Variants in PRKCH observed in about 807,000 individuals in gnomAD.
The protein encoded by PRKCH is protein kinase C eta, also known as protein kinase C eta type.
PRKCH carries 28 observed loss-of-function variants against 82.5 expected under a neutral mutation model. The observed-to-expected ratio is 0.34, with a 90% CI of 0.25 to 0.47. The LOEUF (loss-of-function observed/expected upper bound fraction) is 0.47, where lower values mean the gene tolerates loss of function less well. Ranked by LOEUF, PRKCH falls within the 20% of genes least tolerant of loss-of-function variation. The pLI, the probability that PRKCH is intolerant of heterozygous loss-of-function variation, is 1.00. For synonymous variants in PRKCH, 322 were observed against 327.4 expected, an observed-to-expected ratio of 0.98 and a Z score of 0.18; for missense variants, 705 against 881.8, an observed-to-expected ratio of 0.80 and a Z score of 2.54.
chr14:61,222,827 C>A (rs1339447241), intron 1 of PRKCH, among the ~76,000 whole-genome samples: 4 of 152,208 alleles, frequency 2.6e-5, no homozygotes, highest in Non-Finnish European at 4.4e-5. Context: ...AAAGAGCTCT[C>A]ATGAACTCAT....
At position 61,280,407 on chromosome 14, in the gene PRKCH, A is replaced by C. The variant is rs1252979282; in HGVS notation, c.-19+92739A>C. On this transcript the variant is annotated intron_variant, in intron 1 of 3. Transcript: ENST00000555185. The surrounding 1 kb of genome is among the most constrained non-coding windows in gnomAD (Gnocchi z 5.0). ...TGCGCATCCACACCACGAAGTCCTGATTGATGAAGCCGGTGTTGTTGGGGT... is the reference window on the plus strand; with the variant it reads ...TGCGCATCCACACCACGAAGTCCTGCTTGATGAAGCCGGTGTTGTTGGGGT... The C allele has an allele frequency of 1.9e-6, 3 of 1,613,980 alleles. No individual in the cohort carries two copies. In the South Asian group the frequency reaches 3.3e-5, roughly 18 times the overall value.
chr14:61,389,349 TAAAAAA>T (rs111701252), intron 1 of PRKCH, among the ~76,000 whole-genome samples: 2 of 144,520 alleles, frequency 1.4e-5, no homozygotes, highest in Admixed American at 6.8e-5. Flanking sequence ...GACTCTGTCT[TAAAAAA>T]AAAAAAAATC....
chr14:61,207,097 A>C (rs1419960771), intron 1 of PRKCH, among the ~76,000 whole-genome samples: 1 of 111,620 alleles, frequency 9.0e-6, no homozygotes, highest in African/African-American at 3.4e-5. Context: ...CCAGAGTGAA[A>C]CTCCATCTCA....
intron 1 of PRKCH, among the ~76,000 whole-genome samples, chr14:61,219,681 A>T (rs1311848596): frequency 1.3e-5 from 2 of 152,256 alleles, no homozygotes; most frequent in African/African-American, 4.8e-5. Context: ...TAAATAAAAA[A>T]CAGAAACATA....
At chr14:61,499,121 C>A (rs1005309714) in intron 10 of PRKCH, among the ~76,000 whole-genome samples, 1 of 152,080 alleles carries the variant, frequency 6.6e-6, no homozygotes, top group East Asian at 1.9e-4. Flanking sequence ...GTGTTGAGAC[C>A]AAATCCTTCT....
rs143019631 is a variant in PRKCH, at chr14:61,489,999, C to T, written c.1433+4343C>T. Among the ~76,000 whole-genome samples, 548 of 152,316 alleles carry T rather than the reference C, an allele frequency of 3.6e-3. 1 individual carries two copies. Among genetic ancestry groups the T allele is most frequent in the African/African-American group, 0.011 (471 of 41,560 alleles). On this transcript the variant is annotated intron_variant, in intron 10 of 13. Transcript: ENST00000332981. ...GGGTGAGGAATAGTTTATAGAAGGG[C>T]ACAGTTTAAATTTCACTTCCTCCTC...
intron 1 of PRKCH, chr14:61,277,809 A>G (rs556283464): frequency 6.6e-6 from 1 of 152,230 alleles, no homozygotes; most frequent in African/African-American, 2.4e-5. Flanking sequence ...TAAAGTTCAA[A>G]TTCTGTTTTA....
At chr14:61,263,317 G>GA (rs966339325) in intron 1 of PRKCH, among the ~76,000 whole-genome samples, 2 of 151,928 alleles carry the variant, frequency 1.3e-5, no homozygotes, top group African/African-American at 2.4e-5. Context: ...TTACCTTTAT[G>GA]AAAAAATGTG....
intron 7 of PRKCH, among the ~76,000 whole-genome samples, chr14:61,455,979 C>T (rs140244304): frequency 0.011 from 1,600 of 150,994 alleles, 19 homozygotes; most frequent in Non-Finnish European, 0.014. Context: ...TTATTGTAGA[C>T]GGTAAGTTGG....
intron 2 of PRKCH, among the ~76,000 whole-genome samples, chr14:61,407,731 G>A (rs1446501401): frequency 1.3e-5 from 2 of 152,136 alleles, no homozygotes; most frequent in African/African-American, 4.8e-5. Flanking sequence ...TCACACTTAG[G>A]TACAGCCTTT....
At chr14:61,308,234 A>G (rs2045496737) in intron 1 of PRKCH, among the ~76,000 whole-genome samples, 1 of 152,254 alleles carries the variant, frequency 6.6e-6, no homozygotes. Context: ...ACCAAAACTA[A>G]GAAACATAGC....
chr14:61,306,722 CA>C (rs2045488108), intron 1 of PRKCH: 1 of 152,204 alleles, frequency 6.6e-6, no homozygotes, highest in South Asian at 2.1e-4. Flanking sequence ...TACGAAAACA[CA>C]CAATCACATT....
At chr14:61,338,731 G>T (rs192216327) in intron 1 of PRKCH, among the ~76,000 whole-genome samples, 2 of 152,198 alleles carry the variant, frequency 1.3e-5, no homozygotes, top group Admixed American at 1.3e-4. Flanking sequence ...TCCTTAAACT[G>T]TCCTTTTCTG....
At chr14:61,471,342 T>G (rs1480737305) in intron 9 of PRKCH, among the ~76,000 whole-genome samples, 1 of 152,208 alleles carries the variant, frequency 6.6e-6, no homozygotes, top group African/African-American at 2.4e-5. Flanking sequence ...GGACATTCAG[T>G]GGTAAGACTG....
At position 61,300,074 on chromosome 14, in the gene PRKCH, G is replaced by T. The variant is rs919205821; in HGVS notation, c.-19+112406G>T. The stretch of plus-strand genomic sequence containing the variant: ...CAAAGCCTGTGAGTGTATGTCCAAA[G>T]TCTCATTTCTCTACTTCACTTTATC... On this transcript the variant is annotated intron_variant, in intron 1 of 3. Coordinates refer to the PRKCH transcript ENST00000555185. 1.2e-4 allele frequency among the ~76,000 whole-genome samples: 19 copies of T among 152,174 alleles called. No individual in the cohort carries two copies. The East Asian group carries it at 3.7e-3, about 29-fold the overall frequency.
At chr14:61,216,504 C>A (rs894408594) in intron 1 of PRKCH, among the ~76,000 whole-genome samples, 6 of 151,820 alleles carry the variant, frequency 4.0e-5, no homozygotes, top group African/African-American at 1.4e-4. Flanking sequence ...AATTAAAAAA[C>A]CAGAAAAGTC....
In PRKCH at chr14:61,417,725, T is replaced by C. The variant is rs188263492; in HGVS notation, c.428-25386T>C. On this transcript the variant is annotated intron_variant, in intron 2 of 13. Coordinates refer to ENST00000332981, the MANE Select transcript of PRKCH (RefSeq NM_006255.5). ...AAGTCTTAGACACACAGCTTGGGAATGGTCCTAATAGACTGTTTCCTTTAA... is the reference window on the plus strand; with the variant it reads ...AAGTCTTAGACACACAGCTTGGGAACGGTCCTAATAGACTGTTTCCTTTAA... 8.5e-5 allele frequency among the ~76,000 whole-genome samples: 13 copies of C among 152,318 alleles called. 1 individual carries two copies. In the East Asian group the frequency reaches 2.5e-3, roughly 29 times the overall value.
intron 1 of PRKCH, among the ~76,000 whole-genome samples, chr14:61,228,250 A>G (rs2044713266): frequency 6.6e-6 from 1 of 152,250 alleles, no homozygotes; most frequent in African/African-American, 2.4e-5. Flanking sequence ...TTTTACAAAT[A>G]CAAGGACAGA....
intron 9 of PRKCH, among the ~76,000 whole-genome samples, chr14:61,464,366 T>C (rs552140983): frequency 6.6e-6 from 1 of 151,610 alleles, no homozygotes; most frequent in African/African-American, 2.4e-5. Flanking sequence ...GTGTGTGTGG[T>C]TTTGTTTTGT....
Sources: allele counts gnomAD v4.1 joint callset (sites outside exome capture counted in the v4.1 genomes callset), GRCh38; gene constraint gnomAD v4.1.1; non-coding constraint Gnocchi (gnomAD v3.1); transcripts MANE v1.5; gene names NCBI Gene and HGNC (gene_info 2026-07-23, HGNC 2026-07-21).